RAB37: variants seen among roughly 807,000 people sequenced by gnomAD.
RAB37 encodes the protein RAB37, member RAS oncogene family.
RAB37 carries 29 observed loss-of-function variants against 33.1 expected under a neutral mutation model. The observed-to-expected ratio is 0.88, with a 90% CI of 0.65 to 1.20. The LOEUF (loss-of-function observed/expected upper bound fraction) is 1.20. Ranked by LOEUF, RAB37 falls within the 50% of genes most tolerant of loss-of-function variation. The pLI is 0.00. For missense variants in RAB37, 299 were observed against 301.1 expected, an observed-to-expected ratio of 0.99 and a Z score of 0.05; for synonymous variants, 128 against 119.5, an observed-to-expected ratio of 1.07 and a Z score of -0.47.
At chr17:74,707,760 G>A (rs1352464888) in intron 1 of RAB37, among the ~76,000 whole-genome samples, 2 of 151,506 alleles carry the variant, frequency 1.3e-5, no homozygotes, top group Non-Finnish European at 2.9e-5. Context: ...TGTATATCCT[G>A]CACATATTAA....
At chr17:74,707,133 A>G (rs773067012) in intron 1 of RAB37, among the ~76,000 whole-genome samples, 2 of 152,186 alleles carry the variant, frequency 1.3e-5, no homozygotes, top group Non-Finnish European at 2.9e-5. Flanking sequence ...AACTAGACAA[A>G]TGGGACTCAC....
chr17:74,737,367 TG>T lies in RAB37; in HGVS notation c.93+5del. ...CCGAGCTACGACCTCACGGGCAAGG[TG>T]GGTGGGCCTCTTCCGTGAGACCCCC... is the stretch of plus-strand genomic sequence containing the variant. On this transcript the variant is annotated splice_donor_region_variant and intron_variant, in intron 1 of 8. Coordinates refer to ENST00000392613, the MANE Select transcript of RAB37 (RefSeq NM_001006638.3). 1.3e-6 allele frequency: 2 copies of T among 1,562,850 alleles called. No homozygotes were observed. Among genetic ancestry groups the T allele is most frequent in the Non-Finnish European group, 1.7e-6 (2 of 1,160,980 alleles).
At position 74,738,257 on chromosome 17, in the gene RAB37, C is replaced by T. The variant is rs1476535169; in HGVS notation, c.93+892C>T. 6.6e-6 allele frequency among the ~76,000 whole-genome samples: 1 copy of T among 152,150 alleles called. No individual in the cohort carries two copies. The highest frequency in any genetic ancestry group is 1.9e-4 in the East Asian group (1 of 5,184). On this transcript the variant is annotated intron_variant, in intron 1 of 8. Coordinates refer to ENST00000392613, the MANE Select transcript of RAB37 (RefSeq NM_001006638.3). This position sits in a 1 kb window ranked among gnomAD's most constrained non-coding sequence, Gnocchi z 5.0. ...AGGAGACCTGCCTCTCTCTGGGCCTCGGTTTCCTCCCCGACACCAGGGCTC... is the reference window on the plus strand; with the variant it reads ...AGGAGACCTGCCTCTCTCTGGGCCTTGGTTTCCTCCCCGACACCAGGGCTC...
chr17:74,746,887 A>G lies in RAB37; in HGVS notation c.*1476A>G, dbSNP rs1464604091. 2.0e-5 allele frequency: 3 copies of G among 152,226 alleles called. No individual in the cohort carries two copies. Among genetic ancestry groups the G allele is most frequent in the African/African-American group, 7.2e-5 (3 of 41,440 alleles). 9.4% of individuals were successfully genotyped at this position (152,226 alleles called of 1,614,324 possible). ...CCCATTTCCGAGTTAAACCAATGCA[A>G]TATGAGTAAAACAAAGTCATGTGGG... On this transcript the variant is annotated 3_prime_UTR_variant, in exon 9 of 9. Transcript: ENST00000392613. The surrounding 1 kb of genome is among the most constrained non-coding windows in gnomAD (Gnocchi z 5.2).
chr17:74,694,060 A>G (rs1189368772), intron 1 of RAB37, among the ~76,000 whole-genome samples: 1 of 152,178 alleles, frequency 6.6e-6, no homozygotes, highest in African/African-American at 2.4e-5. Flanking sequence ...CAAACAGTGC[A>G]GACTCCAGGC....
In RAB37 at chr17:74,742,234, T is replaced by G; in HGVS notation, c.205-20T>G. ...CCACATGACTCCTGCCCTCCCATCC[T>G]CTGCCTTTTTCTCTTTCAGAACAAG... On this transcript the variant is annotated intron_variant, in intron 2 of 8. Coordinates refer to ENST00000392613, the MANE Select transcript of RAB37 (RefSeq NM_001006638.3). The surrounding 1 kb of genome is among the most constrained non-coding windows in gnomAD (Gnocchi z 4.0). 1 of 1,612,410 alleles carries G rather than the reference T, an allele frequency of 6.2e-7. No homozygotes were observed. The highest frequency in any genetic ancestry group is 2.2e-5 in the East Asian group (1 of 44,830).
At chr17:74,725,419 C>G (rs2034293491) in intron 1 of RAB37, among the ~76,000 whole-genome samples, 1 of 152,138 alleles carries the variant, frequency 6.6e-6, no homozygotes. Flanking sequence ...TAAGAGCAAC[C>G]TTGGGGAAAA....
chr17:74,736,212 GAAAA>G (rs1032087916), upstream of RAB37, among the ~76,000 whole-genome samples: 3 of 142,350 alleles, frequency 2.1e-5, no homozygotes, highest in Non-Finnish European at 4.6e-5. Context: ...GACTCTGTCT[GAAAA>G]AAAAAAAAAG....
upstream of RAB37, among the ~76,000 whole-genome samples, chr17:74,733,136 CTG>C (rs2034413683): frequency 6.6e-6 from 1 of 151,994 alleles, no homozygotes; most frequent in South Asian, 2.1e-4. Flanking sequence ...GTGAAATAAA[CTG>C]TGCCTGGAGC....
chr17:74,728,595 A>G (rs933152554), intron 1 of RAB37, among the ~76,000 whole-genome samples: 4 of 145,786 alleles, frequency 2.7e-5, no homozygotes, highest in Non-Finnish European at 6.0e-5. Context: ...TATGTGTTGT[A>G]TGTGTGTATG....
intron 1 of RAB37, among the ~76,000 whole-genome samples, chr17:74,686,726 A>G (rs1195131358): frequency 6.6e-6 from 1 of 152,084 alleles, no homozygotes; most frequent in Non-Finnish European, 1.5e-5. Flanking sequence ...TACTGTACCT[A>G]CATCTCCACT....
intron 1 of RAB37, chr17:74,712,795 C>T (rs1364736201): frequency 1.2e-6 from 2 of 1,613,532 alleles, no homozygotes; most frequent in Non-Finnish European, 1.7e-6. Context: ...GCTAAGCTTC[C>T]CCAAGAAGAC....
chr17:74,724,416 G>T (rs1042290892), intron 1 of RAB37, among the ~76,000 whole-genome samples: 4 of 152,252 alleles, frequency 2.6e-5, no homozygotes, highest in African/African-American at 9.6e-5. Context: ...GAATAGATGG[G>T]AGGTAGGTTT....
chr17:74,725,009 T>C (rs1331606457), intron 1 of RAB37, among the ~76,000 whole-genome samples: 1 of 152,142 alleles, frequency 6.6e-6, no homozygotes, highest in Non-Finnish European at 1.5e-5. Flanking sequence ...GAGGCCCACA[T>C]ACCATGTGTC....
chr17:74,704,614 G>A, intron 1 of RAB37: 1 of 1,614,120 alleles, frequency 6.2e-7, no homozygotes, highest in Non-Finnish European at 8.5e-7. Flanking sequence ...GATTGTCCTT[G>A]ATGGACACCC....
Position 74,671,241 on chromosome 17 carries a change from C to T in RAB37, c.-346C>T. 1 of 280,530 alleles carries T rather than the reference C, an allele frequency of 3.6e-6. No homozygotes were observed. The highest frequency in any genetic ancestry group is 4.4e-5 in the Admixed American group (1 of 22,658). 17.4% of individuals were successfully genotyped at this position (280,530 alleles called of 1,614,324 possible). ...GAGTCCGGTAGCTGAATGAAATACG[C>T]AGGGATCACCAGCCGGACCCAAATC... On this transcript the variant is annotated 5_prime_UTR_variant, in exon 1 of 8. Coordinates refer to the RAB37 transcript ENST00000340415. The surrounding 1 kb of genome is among the most constrained non-coding windows in gnomAD (Gnocchi z 5.0).
At chr17:74,710,493 T>C (rs1270707698) in intron 1 of RAB37, among the ~76,000 whole-genome samples, 1 of 152,238 alleles carries the variant, frequency 6.6e-6, no homozygotes, top group African/African-American at 2.4e-5. Context: ...AAGTGCTCAT[T>C]TACATTAGCA....
At chr17:74,716,362 G>A (rs1460016147) in intron 1 of RAB37, among the ~76,000 whole-genome samples, 1 of 152,140 alleles carries the variant, frequency 6.6e-6, no homozygotes, top group Admixed American at 6.6e-5. Context: ...TGTGTGCTCT[G>A]CTAGGGGACT....
chr17:74,683,336 C>T (rs571455067), intron 1 of RAB37, among the ~76,000 whole-genome samples: 27 of 152,226 alleles, frequency 1.8e-4, no homozygotes, highest in African/African-American at 4.3e-4. Context: ...AGGAAGCTGA[C>T]GGAGCTCAGA....
Sources: gnomAD v4.1 joint callset for allele counts (sites outside exome capture counted in the v4.1 genomes callset) on GRCh38, gnomAD v4.1.1 for gene constraint, Gnocchi (gnomAD v3.1) non-coding constraint, MANE v1.5 for transcripts, NCBI Gene and HGNC (gene_info 2026-07-23, HGNC 2026-07-21) for gene names.